CCDC178: variants seen among roughly 807,000 people sequenced by gnomAD.
CCDC178 encodes the protein coiled-coil domain containing 178.
CCDC178 carries 126 observed loss-of-function variants against 117.4 expected under a neutral mutation model. That is an observed-to-expected ratio of 1.07 (90% confidence interval 0.93 to 1.24). The LOEUF (loss-of-function observed/expected upper bound fraction) is 1.24, where lower values mean the gene tolerates loss of function less well. CCDC178 is among the 50% of genes most tolerant of loss of function. The pLI is 0.00. For synonymous variants in CCDC178, 283 were observed against 313.4 expected, an observed-to-expected ratio of 0.90 and a Z score of 1.02; for missense variants, 1,030 against 986.9, an observed-to-expected ratio of 1.04 and a Z score of -0.59.
intron 3 of CCDC178, among the ~76,000 whole-genome samples, chr18:33,404,882 A>C (rs527764328): frequency 9.9e-5 from 15 of 151,810 alleles, no homozygotes; most frequent in African/African-American, 2.9e-4. Flanking sequence ...ATTTTATAAA[A>C]TCATTGATAT....
intron 11 of CCDC178, among the ~76,000 whole-genome samples, chr18:33,304,464 A>G (rs575173091): frequency 6.6e-6 from 1 of 152,282 alleles, no homozygotes; most frequent in East Asian, 1.9e-4. Context: ...ATAAGTCACG[A>G]ATTTTTGCAA....
At chr18:32,969,292 C>T (rs2054877258) in intron 22 of CCDC178, among the ~76,000 whole-genome samples, 1 of 151,988 alleles carries the variant, frequency 6.6e-6, no homozygotes. Flanking sequence ...AGGGGGAGCA[C>T]ATCCCTGAGG....
intron 21 of CCDC178, among the ~76,000 whole-genome samples, chr18:33,030,887 T>G (rs1228515166): frequency 6.6e-6 from 1 of 152,044 alleles, no homozygotes; most frequent in Non-Finnish European, 1.5e-5. Flanking sequence ...GACCACAAGC[T>G]AGGGACTCTA....
chr18:33,270,774 A>G (rs1199228381), intron 12 of CCDC178, among the ~76,000 whole-genome samples: 1 of 151,540 alleles, frequency 6.6e-6, no homozygotes, highest in Non-Finnish European at 1.5e-5. Context: ...AGTAACTTGA[A>G]TCCACAGAAG....
intron 20 of CCDC178, among the ~76,000 whole-genome samples, chr18:33,196,059 T>C (rs1421640434): frequency 6.6e-6 from 1 of 152,216 alleles, no homozygotes; most frequent in Non-Finnish European, 1.5e-5. Context: ...GACAGTCAAA[T>C]AATGGAACTT....
intron 20 of CCDC178, among the ~76,000 whole-genome samples, chr18:33,153,384 T>C (rs1314526884): frequency 1.3e-5 from 2 of 151,774 alleles, no homozygotes; most frequent in Admixed American, 6.6e-5. Flanking sequence ...AAAATTAAAA[T>C]TGAAAATAGG....
intron 21 of CCDC178, among the ~76,000 whole-genome samples, chr18:33,060,196 A>C (rs539065280): frequency 6.6e-6 from 1 of 152,306 alleles, no homozygotes; most frequent in East Asian, 1.9e-4. Flanking sequence ...AACAAAAGCC[A>C]TTACAGCATC....
At chr18:33,099,058 G>A (rs1477132784) in intron 20 of CCDC178, among the ~76,000 whole-genome samples, 1 of 152,010 alleles carries the variant, frequency 6.6e-6, no homozygotes, top group Non-Finnish European at 1.5e-5. Flanking sequence ...GGAGGAGTCA[G>A]AGTCAACAGA....
chr18:33,403,212 A>G (rs1166809159), intron 3 of CCDC178, among the ~76,000 whole-genome samples: 1 of 152,178 alleles, frequency 6.6e-6, no homozygotes, highest in Non-Finnish European at 1.5e-5. Context: ...GTATCTGAAC[A>G]TGCACATAAA....
chr18:33,221,465 T>G (rs2059233201), intron 18 of CCDC178, among the ~76,000 whole-genome samples: 1 of 152,042 alleles, frequency 6.6e-6, no homozygotes, highest in South Asian at 2.1e-4. Context: ...ATGAGACACT[T>G]AGTGCCTGTA....
chr18:33,084,080 T>G (rs2057339719), intron 21 of CCDC178, among the ~76,000 whole-genome samples: 1 of 151,664 alleles, frequency 6.6e-6, no homozygotes, highest in African/African-American at 2.4e-5. Context: ...ATATTGGGAC[T>G]TTTTTTTTCT....
intron 2 of CCDC178, 104 bp from the exon 3 acceptor site, chr18:33,412,214 A>T: frequency 2.1e-6 from 1 of 469,630 alleles, no homozygotes; most frequent in Non-Finnish European, 3.8e-6. Context: ...AAATGTAAGG[A>T]TGTAAAATGT....
At chr18:33,346,773 A>G (rs952048810) in intron 8 of CCDC178, among the ~76,000 whole-genome samples, 6 of 152,142 alleles carry the variant, frequency 3.9e-5, no homozygotes, top group African/African-American at 1.4e-4. Context: ...TAAGAAAAAC[A>G]TATCATAATG....
chr18:33,126,257 T>G (rs935507030), intron 20 of CCDC178, among the ~76,000 whole-genome samples: 1 of 151,126 alleles, frequency 6.6e-6, no homozygotes, highest in Admixed American at 6.6e-5. Flanking sequence ...ATGTAGAATA[T>G]GTATATAATT....
chr18:33,311,878 C>G (rs1443462852), intron 11 of CCDC178, among the ~76,000 whole-genome samples: 2 of 152,162 alleles, frequency 1.3e-5, no homozygotes, highest in Admixed American at 1.3e-4. Context: ...CAGACTTACC[C>G]ACCAAAATTG....
chr18:33,370,005 C>A lies in CCDC178; in HGVS notation c.348+45G>T. 3 of 1,487,862 alleles carry A rather than the reference C, an allele frequency of 2.0e-6. No homozygotes were observed. In the South Asian group the frequency reaches 4.1e-5, roughly 20 times the overall value. The allele number at this position is 1,487,862 out of a possible 1,614,324, so 92.2% of individuals were successfully genotyped here. A position where few individuals can be genotyped will look rare whatever the true frequency, so the allele number is the denominator to read the frequency against. On this transcript the variant is annotated intron_variant, in intron 6 of 22. Coordinates refer to ENST00000383096, the MANE Select transcript of CCDC178 (RefSeq NM_001105528.4). Reference sequence around the variant, plus strand: ...TTTAAATAACCAATCCTTAGAGGGTCGATAAAGCTTACCAAAATATCAGCA... The same window carrying A: ...TTTAAATAACCAATCCTTAGAGGGTAGATAAAGCTTACCAAAATATCAGCA...
intron 21 of CCDC178, among the ~76,000 whole-genome samples, chr18:33,032,491 C>T (rs1363951304): frequency 2.0e-5 from 3 of 152,058 alleles, no homozygotes; most frequent in Admixed American, 6.6e-5. Context: ...TACAATCTGC[C>T]TAGGAAAGGG....
At position 32,946,862 on chromosome 18, in the gene CCDC178, C is replaced by A. The variant is rs539181334; in HGVS notation, c.2524-8771G>T. On this transcript the variant is annotated intron_variant, in intron 22 of 22. Transcript: ENST00000383096. Reference sequence around the variant, plus strand: ...TGTCGCAATCTCAGCTAACTGCAAGCTCCACCTCCCGGGTTCACGCCATTC... The same window carrying A: ...TGTCGCAATCTCAGCTAACTGCAAGATCCACCTCCCGGGTTCACGCCATTC... 4.0e-5 allele frequency among the ~76,000 whole-genome samples: 6 copies of A among 151,642 alleles called. No individual in the cohort carries two copies. In the East Asian group the frequency reaches 9.8e-4, roughly 25 times the overall value.
At chr18:32,974,429 A>G (rs150447794) in intron 22 of CCDC178, 118 bp downstream of exon 22, 26 of 892,748 alleles carry the variant, frequency 2.9e-5, no homozygotes, top group Middle Eastern at 3.4e-4. Context: ...TTTATTAAAG[A>G]GGTTAAAAAT....
Sources: allele counts gnomAD v4.1 joint callset (sites outside exome capture counted in the v4.1 genomes callset), GRCh38; gene constraint gnomAD v4.1.1; transcripts MANE v1.5; gene names NCBI Gene and HGNC (gene_info 2026-07-23, HGNC 2026-07-21).